Variants in PRIM1 observed in about 807,000 individuals in gnomAD.
The protein encoded by PRIM1 is DNA primase subunit 1, also known as DNA primase small subunit.
In PRIM1, 38 loss-of-function variants were observed where a neutral mutation model predicts 60.2. The observed-to-expected ratio is 0.63, with a 90% CI of 0.49 to 0.83. PRIM1 has a LOEUF of 0.83. Among genes scored for constraint, PRIM1 ranks in the 40% least tolerant of loss-of-function variants. The pLI, the probability that PRIM1 is intolerant of heterozygous loss-of-function variation, is 0.00. For synonymous variants in PRIM1, 158 were observed against 160.2 expected (o/e 0.99, Z 0.10); for missense variants, 388 against 506.2 (o/e 0.77, Z 2.24).
chr12:56,732,662 A>G (rs1033237498), intron 12 of PRIM1, among the ~76,000 whole-genome samples: 9 of 152,012 alleles, frequency 5.9e-5, no homozygotes, highest in African/African-American at 1.9e-4. Context: ...CACACCATAT[A>G]CTAGATTAGC....
At chr12:56,741,881 G>T in intron 7 of PRIM1, 44 bp from the exon 8 acceptor site, 1 of 1,531,704 alleles carries the variant, frequency 6.5e-7, no homozygotes, top group South Asian at 1.1e-5. Flanking sequence ...GAACATCAAT[G>T]AACAATTTAG....
rs1555228415 is a variant in PRIM1 at position 56,734,778 on chromosome 12, T to TATATATATATATA, written c.1145-534_1145-533insTATATATATATAT. The stretch of plus-strand genomic sequence containing the variant: ...TCTCTTTCATACAAGTCTTTTATAT[T>TATATATATATATA]TATATATATATATATAATATATATA... On this transcript the variant is annotated intron_variant, in intron 11 of 12. Coordinates refer to ENST00000338193, the MANE Select transcript of PRIM1 (RefSeq NM_000946.3). Among the ~76,000 whole-genome samples the TATATATATATATA allele has an allele frequency of 1.6e-3, 227 of 140,256 alleles. 1 individual carries two copies. Among genetic ancestry groups the TATATATATATATA allele is most frequent in the African/African-American group, 5.8e-3 (215 of 37,264 alleles). 92.0% of individuals were successfully genotyped at this position (140,256 alleles called of 152,430 possible).
chr12:56,745,724 A>G (rs1460665692), intron 5 of PRIM1, among the ~76,000 whole-genome samples: 1 of 152,022 alleles, frequency 6.6e-6, no homozygotes, highest in Non-Finnish European at 1.5e-5. Flanking sequence ...GAATCACCTG[A>G]GGCTAGGAGT....
chr12:56,739,572 C>T (rs546155336), intron 9 of PRIM1, among the ~76,000 whole-genome samples: 2 of 152,264 alleles, frequency 1.3e-5, no homozygotes, highest in African/African-American at 4.8e-5. Context: ...CTTTGTCACC[C>T]ATGCTAGAGT....
intron 1 of PRIM1, 82 bp downstream of exon 1, chr12:56,752,114 C>T (rs565887227): frequency 5.1e-6 from 5 of 987,926 alleles, no homozygotes; most frequent in South Asian, 3.1e-5. Context: ...GCACAGAAGG[C>T]GCTTCATATT....
chr12:56,750,437 G>T (rs1953937985), intron 2 of PRIM1, among the ~76,000 whole-genome samples: 1 of 152,016 alleles, frequency 6.6e-6, no homozygotes, highest in South Asian at 2.1e-4. Flanking sequence ...GAAGGAAAAA[G>T]AATATAAATG....
Position 56,746,180 on chromosome 12 carries a change from C to T in PRIM1, c.444G>A (p.Glu148=). ...AGAGACGATGCTTAAATCCAAAGTC[C>T]TCTGAGGAAGAGAGAAATAATAGGT... ...AIRIIDRALK[E]DFGFKHRLWV... The change falls in exon 5 of 13, where the codon GAG becomes GAA. Residue 148 remains glutamate, a splice_region_variant and synonymous_variant. Coordinates refer to ENST00000338193, the MANE Select transcript of PRIM1 (RefSeq NM_000946.3). 1 of 1,609,348 alleles carries T rather than the reference C, an allele frequency of 6.2e-7. No individual in the cohort carries two copies. The highest frequency in any genetic ancestry group is 2.2e-5 in the East Asian group (1 of 44,862).
intron 10 of PRIM1, 136 bp downstream of exon 10, chr12:56,739,158 C>A (rs549262347): frequency 3.6e-6 from 2 of 557,956 alleles, no homozygotes. Context: ...CGTCATCTAA[C>A]CTTTGAACCT....
chr12:56,734,251 T>C lies in PRIM1; in HGVS notation c.1145-6A>G. The C allele has an allele frequency of 6.6e-7, 1 of 1,508,694 alleles. No homozygotes were observed. The highest frequency in any genetic ancestry group is 9.1e-7 in the Non-Finnish European group (1 of 1,095,568). The allele number at this position is 1,508,694 out of a possible 1,614,324, so 93.5% of individuals were successfully genotyped here. A position where few individuals can be genotyped will look rare whatever the true frequency, so the allele number is the denominator to read the frequency against. ...TAGACTGGTCTTCTTATAATCTAAA[T>C]TATGAAGAATGTACATTATAATTAG... On this transcript the variant is annotated splice_polypyrimidine_tract_variant and splice_region_variant and intron_variant, in intron 11 of 12. Transcript: ENST00000338193.
intron 2 of PRIM1, among the ~76,000 whole-genome samples, chr12:56,749,760 T>G (rs1235564752): frequency 2.0e-5 from 3 of 152,152 alleles, no homozygotes; most frequent in African/African-American, 7.2e-5. Context: ...AGAATGAGGA[T>G]TGATACAAGT....
intron 5 of PRIM1, 71 bp downstream of exon 5, chr12:56,745,974 A>ACAGTAAAC: frequency 7.1e-7 from 1 of 1,410,044 alleles, no homozygotes; most frequent in Non-Finnish European, 9.6e-7. Flanking sequence ...ATTTTCTTTG[A>ACAGTAAAC]CAGTAAACAT....
chr12:56,744,503 A>AT lies in PRIM1; in HGVS notation c.580-381_580-380insA, dbSNP rs575007288. On this transcript the variant is annotated intron_variant, in intron 5 of 12. Coordinates refer to ENST00000338193, the MANE Select transcript of PRIM1 (RefSeq NM_000946.3). The stretch of plus-strand genomic sequence containing the variant: ...AGCGAGACTCCATCTCAAAAAAAAA[A>AT]GAAAAAGATGGTGGGTCCCATAAGA... 3.5e-4 allele frequency among the ~76,000 whole-genome samples: 54 copies of AT among 152,164 alleles called. No homozygotes were observed. In the East Asian group the frequency reaches 9.9e-3, roughly 28 times the overall value.
At chr12:56,746,414 C>T (rs575380703) in intron 4 of PRIM1, 10 of 649,822 alleles carry the variant, frequency 1.5e-5, no homozygotes, top group Non-Finnish European at 2.5e-5. Context: ...GGGCAGATCA[C>T]GAGGTCAGGA....
chr12:56,748,366 G>A (rs1016963655), intron 2 of PRIM1, among the ~76,000 whole-genome samples: 9 of 152,184 alleles, frequency 5.9e-5, no homozygotes, highest in African/African-American at 1.7e-4. Context: ...AGTGGCTCAC[G>A]ACTGTAATCT....
intron 2 of PRIM1, among the ~76,000 whole-genome samples, chr12:56,750,187 C>T (rs906930931): frequency 6.6e-6 from 1 of 152,188 alleles, no homozygotes; most frequent in African/African-American, 2.4e-5. Context: ...AGAGGAATCA[C>T]AGATTCTGAG....
intron 10 of PRIM1, 88 bp from the exon 11 acceptor site, chr12:56,738,613 G>A (rs1953851004): frequency 7.3e-7 from 1 of 1,374,608 alleles, no homozygotes; most frequent in Middle Eastern, 2.6e-4. Context: ...GTGTGGTGGT[G>A]CGATCTTGGC....
chr12:56,741,770 C>T lies in PRIM1; in HGVS notation c.816G>A (p.Leu272=), dbSNP rs763170414. The T allele has an allele frequency of 6.2e-7, 1 of 1,613,942 alleles. No homozygotes were observed. The highest frequency in any genetic ancestry group is 8.5e-7 in the Non-Finnish European group (1 of 1,179,870). Residue 272 remains leucine (L), a synonymous_variant, in exon 8 of 13, where the codon TTG becomes TTA. Coordinates refer to ENST00000338193, the MANE Select transcript of PRIM1 (RefSeq NM_000946.3). ...SHNSLQRWEH[L]KKVASRYQNN... ...CCTGATATCTGCTGGCTACTTTCTT[C>T]AAGTGCTCCCAACGCTGAAGTGAAT...
intron 5 of PRIM1, among the ~76,000 whole-genome samples, 163 bp from the exon 6 acceptor site, chr12:56,744,286 C>T (rs575664321): frequency 6.6e-6 from 1 of 152,102 alleles, no homozygotes; most frequent in South Asian, 2.1e-4. Context: ...GGGTGGATCA[C>T]CTGAGGTCAA....
At position 56,741,767 on chromosome 12, in the gene PRIM1, C is replaced by T; in HGVS notation, c.819G>A (p.Lys273=). The change falls in exon 8 of 13, where the codon AAG becomes AAA. Residue 273 remains lysine, a synonymous_variant. Transcript: ENST00000338193. ...HNSLQRWEHL[K]KVASRYQNNI... ...ATACCTGATATCTGCTGGCTACTTT[C>T]TTCAAGTGCTCCCAACGCTGAAGTG... is the stretch of plus-strand genomic sequence containing the variant. The T allele has an allele frequency of 6.2e-7, 1 of 1,613,912 alleles. No homozygotes were observed.
Sources: gnomAD v4.1 joint callset for allele counts (sites outside exome capture counted in the v4.1 genomes callset) on GRCh38, gnomAD v4.1.1 for gene constraint, MANE v1.5 for transcripts, NCBI Gene and HGNC (gene_info 2026-07-23, HGNC 2026-07-21) for gene names.